The following UBE2E2 variants were observed in gnomAD, a reference collection of about 807,000 sequenced individuals.
UBE2E2 encodes the protein ubiquitin conjugating enzyme E2 E2.
A neutral mutation model predicts 24.7 loss-of-function variants in UBE2E2; 6 were observed. That is an observed-to-expected ratio of 0.24 (90% CI 0.13 to 0.48). The LOEUF (loss-of-function observed/expected upper bound fraction) is 0.48, where lower values mean the gene tolerates loss of function less well. UBE2E2 is among the 20% of genes least tolerant of loss of function. The probability of loss-of-function intolerance (pLI) is 0.99; values close to 1 mark genes in which losing one functional copy is unlikely to be tolerated. For synonymous variants in UBE2E2, 104 were observed against 83.6 expected, an observed-to-expected ratio of 1.24 and a Z score of -1.33; for missense variants, 169 against 245.0, an observed-to-expected ratio of 0.69 and a Z score of 2.07.
chr3:23,362,196 G>GAC (rs1411736125), intron 3 of UBE2E2, among the ~76,000 whole-genome samples: 1 of 152,154 alleles, frequency 6.6e-6, no homozygotes, highest in Non-Finnish European at 1.5e-5. Context: ...GCAGCAGGGG[G>GAC]ACACAGAGAG....
intron 3 of UBE2E2, among the ~76,000 whole-genome samples, chr3:23,473,664 T>G (rs1282995909): frequency 6.6e-6 from 1 of 152,248 alleles, no homozygotes; most frequent in Admixed American, 6.5e-5. Context: ...ATCTCTCACT[T>G]AAGAGTGAGA....
At chr3:23,352,130 A>T (rs1027454456) in intron 3 of UBE2E2, among the ~76,000 whole-genome samples, 31 of 152,206 alleles carry the variant, frequency 2.0e-4, no homozygotes, top group African/African-American at 7.0e-4. Context: ...CTCCTGAATG[A>T]CTACTGGGTA....
chr3:23,232,208 C>T (rs1248670177), intron 3 of UBE2E2, among the ~76,000 whole-genome samples: 2 of 152,180 alleles, frequency 1.3e-5, no homozygotes. Flanking sequence ...GCCAGCCAGC[C>T]ATCAGTCTTG....
At chr3:23,552,511 G>C (rs1442426594) in intron 5 of UBE2E2, among the ~76,000 whole-genome samples, 1 of 152,150 alleles carries the variant, frequency 6.6e-6, no homozygotes, top group Non-Finnish European at 1.5e-5. Flanking sequence ...GGTAAAGAAA[G>C]CATAAACAAG....
At chr3:23,305,431 T>C (rs981495052) in intron 3 of UBE2E2, among the ~76,000 whole-genome samples, 3 of 152,248 alleles carry the variant, frequency 2.0e-5, no homozygotes, top group Non-Finnish European at 4.4e-5. Flanking sequence ...TTATTTCTCT[T>C]TTAACTGCAG....
intron 3 of UBE2E2, among the ~76,000 whole-genome samples, chr3:23,226,585 G>GGT (rs1559446982): frequency 6.6e-6 from 1 of 152,204 alleles, no homozygotes; most frequent in African/African-American, 2.4e-5. Context: ...TTTGAAGAAT[G>GGT]GGTGGGATTT....
chr3:23,367,899 CTTG>C (rs777114093), intron 3 of UBE2E2, among the ~76,000 whole-genome samples: 1 of 152,144 alleles, frequency 6.6e-6, no homozygotes, highest in Non-Finnish European at 1.5e-5. Context: ...TGATTGCTTG[CTTG>C]TTGTGTGGGG....
At chr3:23,534,190 G>C (rs889333466) in intron 5 of UBE2E2, 1 of 967,972 alleles carries the variant, frequency 1.0e-6, no homozygotes, top group African/African-American at 2.0e-5. Flanking sequence ...CTCCAAGTCA[G>C]CTGAAATGGA....
At chr3:23,295,810 G>C (rs1698892422) in intron 3 of UBE2E2, among the ~76,000 whole-genome samples, 1 of 152,140 alleles carries the variant, frequency 6.6e-6, no homozygotes, top group Non-Finnish European at 1.5e-5. Flanking sequence ...GATTTTCATA[G>C]GAAGTGCACA....
At chr3:23,513,459 T>C (rs13076412) in intron 4 of UBE2E2, among the ~76,000 whole-genome samples, 11,001 of 152,260 alleles carry the variant, frequency 0.072, 518 homozygotes, top group Non-Finnish European at 0.088. Context: ...TTTCCTGTGA[T>C]TGACATACAG....
chr3:23,253,192 G>C (rs565225610), intron 3 of UBE2E2, among the ~76,000 whole-genome samples: 3 of 152,166 alleles, frequency 2.0e-5, no homozygotes, highest in Non-Finnish European at 4.4e-5. Context: ...GATTTGACTA[G>C]ATAAAATTAC....
chr3:23,417,225 A>T (rs575252083), intron 3 of UBE2E2, among the ~76,000 whole-genome samples: 2 of 152,110 alleles, frequency 1.3e-5, no homozygotes, highest in African/African-American at 2.4e-5. Context: ...TGACCTTCAG[A>T]TGGGGTTTCT....
chr3:23,251,484 C>T (rs9835256), intron 3 of UBE2E2, among the ~76,000 whole-genome samples: 51,104 of 152,096 alleles, frequency 0.34, 8,814 homozygotes, highest in South Asian at 0.4. Context: ...AGTTAAAGAG[C>T]AGCCTCTCTG....
chr3:23,448,127 A>G (rs997208742), intron 3 of UBE2E2, among the ~76,000 whole-genome samples: 1 of 152,000 alleles, frequency 6.6e-6, no homozygotes, highest in African/African-American at 2.4e-5. Context: ...TTATCTGTGG[A>G]TATCAGGGTC....
chr3:23,403,543 G>A (rs1697281380), intron 3 of UBE2E2, among the ~76,000 whole-genome samples: 1 of 152,208 alleles, frequency 6.6e-6, no homozygotes, highest in Non-Finnish European at 1.5e-5. Context: ...TGTAGGGGCT[G>A]GGCACAGTGG....
intron 3 of UBE2E2, among the ~76,000 whole-genome samples, chr3:23,324,887 G>C (rs927346137): frequency 2.0e-5 from 3 of 152,008 alleles, no homozygotes; most frequent in Admixed American, 1.3e-4. Context: ...AGTGGAATTG[G>C]GTTCAGTTGT....
At chr3:23,353,953 A>T (rs1438647784) in intron 3 of UBE2E2, among the ~76,000 whole-genome samples, 1 of 152,208 alleles carries the variant, frequency 6.6e-6, no homozygotes, top group Middle Eastern at 3.2e-3. Context: ...AAAAGAACAA[A>T]GCTGGAGGCA....
chr3:23,472,388 A>C (rs1699048354), intron 3 of UBE2E2, among the ~76,000 whole-genome samples: 1 of 152,202 alleles, frequency 6.6e-6, no homozygotes, highest in Non-Finnish European at 1.5e-5. Flanking sequence ...GTTTCTTAGC[A>C]CTTAGATACA....
At chr3:23,528,514 TCCTG>T (rs1311951300) in intron 4 of UBE2E2, among the ~76,000 whole-genome samples, 1 of 152,152 alleles carries the variant, frequency 6.6e-6, no homozygotes, top group Non-Finnish European at 1.5e-5. Flanking sequence ...TTCTTGAAGT[TCCTG>T]CCTCTTTCTT....
Sources: gnomAD v4.1 joint callset for allele counts (sites outside exome capture counted in the v4.1 genomes callset) on GRCh38, gnomAD v4.1.1 for gene constraint, MANE v1.5 for transcripts, NCBI Gene and HGNC (gene_info 2026-07-23, HGNC 2026-07-21) for gene names.